The following CNGA1 variants were observed in gnomAD, a reference collection of about 807,000 sequenced individuals.
CNGA1 encodes the protein cyclic nucleotide-gated channel alpha-1.
Under a neutral mutation model 69.7 loss-of-function variants are expected in CNGA1, and 53 were observed. The ratio of observed to expected loss-of-function variants is 0.76; its 90% CI spans 0.61 to 0.96. The LOEUF is 0.96. CNGA1 is among the 40% of genes least tolerant of loss of function. The pLI, the probability that CNGA1 is intolerant of heterozygous loss-of-function variation, is 0.00. For missense variants in CNGA1, 739 were observed against 811.2 expected, an observed-to-expected ratio of 0.91 and a Z score of 1.08; for synonymous variants, 249 against 283.5, an observed-to-expected ratio of 0.88 and a Z score of 1.22.
chr4:47,996,939 TC>T (rs1463596369), intron 2 of CNGA1, among the ~76,000 whole-genome samples: 1 of 151,744 alleles, frequency 6.6e-6, no homozygotes, highest in Admixed American at 6.6e-5. Flanking sequence ...ACATCTGTAG[TC>T]CCCCAGCTAC....
chr4:47,966,683 A>G (rs1209612685), intron 3 of CNGA1, among the ~76,000 whole-genome samples: 1 of 152,188 alleles, frequency 6.6e-6, no homozygotes, highest in East Asian at 1.9e-4. Flanking sequence ...GGTTGCTGTT[A>G]ACTGCTTGAT....
chr4:47,937,574 A>T lies in CNGA1; in HGVS notation c.908T>A (p.Ile303Asn). The change falls in exon 11 of 11, where the codon ATC becomes AAC. Residue 303 changes from isoleucine to asparagine, a missense_variant. Transcript: ENST00000514170. ...IFRISNLVMY[I>N]VIIIHWNACV... Reference sequence around the variant, plus strand: ...TGCATTCCAGTGGATAATGATGACGATATACATAACAAGGTTGGAAATCCT... The same window carrying T: ...TGCATTCCAGTGGATAATGATGACGTTATACATAACAAGGTTGGAAATCCT... The T allele has an allele frequency of 1.2e-6, 2 of 1,614,202 alleles. No homozygotes were observed. Among genetic ancestry groups the T allele is most frequent in the Non-Finnish European group, 1.7e-6 (2 of 1,180,034 alleles).
intron 2 of CNGA1, among the ~76,000 whole-genome samples, chr4:47,995,930 C>G (rs545647749): frequency 6.6e-6 from 1 of 152,222 alleles, no homozygotes; most frequent in African/African-American, 2.4e-5. Flanking sequence ...GATCTAGCCA[C>G]CCAGCAAGTC....
intron 2 of CNGA1, among the ~76,000 whole-genome samples, chr4:47,988,020 T>A (rs1034551641): frequency 1.3e-5 from 2 of 152,144 alleles, no homozygotes; most frequent in African/African-American, 4.8e-5. Context: ...GAGGCAACTG[T>A]AGTAATTCAT....
chr4:47,984,222 A>G (rs1741873189), intron 2 of CNGA1, among the ~76,000 whole-genome samples: 2 of 152,152 alleles, frequency 1.3e-5, no homozygotes, highest in African/African-American at 2.4e-5. Context: ...CTGTTATTCA[A>G]TTTCCTCATC....
Position 47,936,288 on chromosome 4 carries a change from G to A in CNGA1, c.*133C>T. 1.1e-6 allele frequency: 1 copy of A among 898,410 alleles called. No homozygotes were observed. The highest frequency in any genetic ancestry group is 1.8e-6 in the Non-Finnish European group (1 of 560,182). The allele number at this position is 898,410 out of a possible 1,614,324, so 55.7% of individuals were successfully genotyped here. On this transcript the variant is annotated 3_prime_UTR_variant, in exon 11 of 11. Coordinates refer to ENST00000514170, the MANE Select transcript of CNGA1 (RefSeq NM_001379270.1). The stretch of plus-strand genomic sequence containing the variant: ...AGAGAGGGTGTGGGCCTTGTACCTT[G>A]CACCAAAGCACATTTTCCTCATGGA...
chr4:48,007,831 C>T (rs534304267), intron 2 of CNGA1, among the ~76,000 whole-genome samples: 22 of 152,058 alleles, frequency 1.4e-4, no homozygotes, highest in Non-Finnish European at 2.9e-4. Flanking sequence ...TGGAAGAAAA[C>T]ATTTCCTTCA....
chr4:47,947,692 G>A (rs1739484864), intron 6 of CNGA1, among the ~76,000 whole-genome samples: 2 of 152,022 alleles, frequency 1.3e-5, no homozygotes, highest in Admixed American at 6.6e-5. Context: ...AAAAAAAAAG[G>A]GAAAAAGAAA....
intron 2 of CNGA1, among the ~76,000 whole-genome samples, chr4:47,987,675 A>G (rs1474574453): frequency 3.3e-5 from 5 of 152,222 alleles, no homozygotes; most frequent in African/African-American, 1.2e-4. Context: ...AAAGTAATAA[A>G]TATATAAGCA....
chr4:47,937,655 C>G lies in CNGA1; in HGVS notation c.827G>C (p.Arg276Pro). The G allele has an allele frequency of 6.2e-7, 1 of 1,614,092 alleles. No homozygotes were observed. The highest frequency in any genetic ancestry group is 8.5e-7 in the Non-Finnish European group (1 of 1,180,022). Reference sequence around the variant, plus strand: ...TGTTCTCTGGAAGAACTCAAACATACGAGAGAACCGTAACAACCTGTTTAA... The same window carrying G: ...TGTTCTCTGGAAGAACTCAAACATAGGAGAGAACCGTAACAACCTGTTTAA... The part of the protein sequence containing the change: ...IRLNRLLRFS[R>P]MFEFFQRTET... The change falls in exon 11 of 11, where the codon CGT (arginine) becomes CCT (proline). Residue 276 changes from arginine to proline, a missense_variant. Transcript: ENST00000514170.
rs758436235 is a variant in CNGA1, at chr4:47,936,728, G to A, written c.1754C>T (p.Pro585Leu). The A allele has an allele frequency of 6.2e-7, 1 of 1,614,008 alleles. No individual in the cohort carries two copies. Among genetic ancestry groups the A allele is most frequent in the African/African-American group, 1.3e-5 (1 of 74,904 alleles). The change falls in exon 11 of 11, where the codon CCA becomes CTA. Residue 585 changes from proline (P) to leucine (L), a missense_variant. Pro to Leu is a moderately conservative substitution (Grantham distance 98, BLOSUM62 -3). Coordinates refer to ENST00000514170, the MANE Select transcript of CNGA1 (RefSeq NM_001379270.1). ...CTCTTCCAGCATAGTTTTGGCATCT[G>A]GGTACTCAGTTAGAGCTTCCATGAG... ...DDLMEALTEY[P>L]DAKTMLEEKG...
intron 3 of CNGA1, among the ~76,000 whole-genome samples, chr4:47,962,988 T>A (rs1359972304): frequency 2.0e-5 from 3 of 152,094 alleles, no homozygotes; most frequent in Non-Finnish European, 4.4e-5. Flanking sequence ...CACAGGGTCT[T>A]ACCCTGTCAC....
chr4:47,953,955 G>A (rs968523457), intron 3 of CNGA1, among the ~76,000 whole-genome samples: 2 of 151,882 alleles, frequency 1.3e-5, no homozygotes, highest in African/African-American at 2.4e-5. Context: ...TCCTGTTTTC[G>A]CCTCAATGTT....
At chr4:47,981,069 A>G (rs570656561) in intron 3 of CNGA1, among the ~76,000 whole-genome samples, 34 of 152,358 alleles carry the variant, frequency 2.2e-4, no homozygotes, top group African/African-American at 7.7e-4. Flanking sequence ...AGAAAGAAAA[A>G]TCAGTATATG....
At chr4:47,966,916 A>T (rs1190234226) in intron 3 of CNGA1, among the ~76,000 whole-genome samples, 1 of 152,228 alleles carries the variant, frequency 6.6e-6, no homozygotes, top group Non-Finnish European at 1.5e-5. Context: ...GCATTTTCCA[A>T]AATTCAACAC....
At chr4:47,967,865 C>T (rs567311699) in intron 3 of CNGA1, among the ~76,000 whole-genome samples, 1 of 152,124 alleles carries the variant, frequency 6.6e-6, no homozygotes, top group South Asian at 2.1e-4. Flanking sequence ...GTGGTCCCAG[C>T]TACTTGGGAG....
At chr4:47,977,314 A>G (rs769735617) in intron 3 of CNGA1, among the ~76,000 whole-genome samples, 10 of 152,214 alleles carry the variant, frequency 6.6e-5, no homozygotes, top group Non-Finnish European at 5.9e-5. Flanking sequence ...AGGAATGACT[A>G]TGGGAGGACA....
intron 3 of CNGA1, among the ~76,000 whole-genome samples, chr4:47,971,902 AAACAAACAAACAAAC>A (rs199891129): frequency 0.19 from 25,446 of 133,762 alleles, 2,383 homozygotes; most frequent in East Asian, 0.27. Flanking sequence ...AAAAACAAAC[AAACAAACAAACAAAC>A]AACAACAACA....
At chr4:47,940,970 C>A in intron 9 of CNGA1, 101 bp from the exon 10 acceptor site, 1 of 762,386 alleles carries the variant, frequency 1.3e-6, no homozygotes, top group Non-Finnish European at 2.3e-6. Context: ...AGAAGCACAG[C>A]ACACTCAGGC....
Sources: gnomAD v4.1 joint callset for allele counts (sites outside exome capture counted in the v4.1 genomes callset) on GRCh38, gnomAD v4.1.1 for gene constraint, MANE v1.5 for transcripts, NCBI Gene and HGNC (gene_info 2026-07-23, HGNC 2026-07-21) for gene names.